TMEM114: variants seen among roughly 807,000 people sequenced by gnomAD.
TMEM114 encodes the protein claudin-26.
A neutral mutation model predicts 6.2 loss-of-function variants in TMEM114; 6 were observed. The ratio of observed to expected loss-of-function variants is 0.97; its 90% CI spans 0.53 to 1.91. The LOEUF (loss-of-function observed/expected upper bound fraction) is 1.91, where lower values mean the gene tolerates loss of function less well. TMEM114 is among the 40% of genes most tolerant of loss of function. The pLI, the probability that TMEM114 is intolerant of heterozygous loss-of-function variation, is 0.01. For missense variants in TMEM114, 218 were observed against 158.3 expected, an observed-to-expected ratio of 1.38 and a Z score of -2.02; for synonymous variants, 104 against 73.0, an observed-to-expected ratio of 1.42 and a Z score of -2.16.
At chr16:8,585,014 G>C (rs922217567) in intron 2 of TMEM114, among the ~76,000 whole-genome samples, 1 of 152,070 alleles carries the variant, frequency 6.6e-6, no homozygotes, top group Non-Finnish European at 1.5e-5. Flanking sequence ...AAGGAAAGAG[G>C]TTTAATGGAC....
chr16:8,556,123 C>T (rs1901002170), intron 2 of TMEM114, among the ~76,000 whole-genome samples: 1 of 152,350 alleles, frequency 6.6e-6, no homozygotes, highest in Middle Eastern at 3.4e-3. Context: ...CTGCATCCAT[C>T]ACTCACCCAG....
chr16:8,564,252 A>G (rs62646487), intron 2 of TMEM114, among the ~76,000 whole-genome samples: 27 of 7,344 alleles, frequency 3.7e-3, no homozygotes, highest in East Asian at 0.012. Flanking sequence ...TGAGTGAGTG[A>G]GTGAATGAGT....
At chr16:8,545,185 C>G (rs369123855) in intron 2 of TMEM114, among the ~76,000 whole-genome samples, 10 of 152,308 alleles carry the variant, frequency 6.6e-5, no homozygotes, top group African/African-American at 1.9e-4. Flanking sequence ...CACCTGTAAT[C>G]CCAACACTTT....
chr16:8,576,320 C>T (rs1177688276), intron 2 of TMEM114, among the ~76,000 whole-genome samples: 2 of 152,222 alleles, frequency 1.3e-5, no homozygotes, highest in African/African-American at 4.8e-5. Context: ...TCAGACCCTC[C>T]AAAGACACCC....
At chr16:8,530,611 A>C in the TMEM114 span, among the ~76,000 whole-genome samples, 1 of 151,522 alleles carries the variant, frequency 6.6e-6, no homozygotes, top group Non-Finnish European at 1.5e-5. Flanking sequence ...GGAAGAAGGG[A>C]AGGTGGGATG....
At position 8,580,436 on chromosome 16, in the gene TMEM114, G is replaced by A. The variant is rs1210381521; in HGVS notation, c.302-8212C>T. 6.7e-5 allele frequency among the ~76,000 whole-genome samples: 10 copies of A among 150,170 alleles called. No homozygotes were observed. In the South Asian group the frequency reaches 2.1e-3, roughly 32 times the overall value. ...TGGGAGGCGGAGGCTGCAGTGAGGC[G>A]AGATCACACCACTGCACTCCATCCT... On this transcript the variant is annotated intron_variant, in intron 2 of 3. Transcript: ENST00000620492.
At position 8,590,025 on chromosome 16, in the gene TMEM114, G is replaced by A. The variant is rs1257550522; in HGVS notation, c.-187C>T. On this transcript the variant is annotated 5_prime_UTR_variant, in exon 1 of 4. Coordinates refer to ENST00000620492, the MANE Select transcript of TMEM114 (RefSeq NM_001146336.2). ...CTTAGACCCTGGCTCCTCACCTGCC[G>A]GCTCCGACCTGCACGCGCCCCCCGC... 2 of 381,242 alleles carry A rather than the reference G, an allele frequency of 5.2e-6. No individual in the cohort carries two copies. The highest frequency in any genetic ancestry group is 4.2e-5 in the African/African-American group (2 of 47,820). The allele number at this position is 381,242 out of a possible 1,614,324, so 23.6% of individuals were successfully genotyped here. A position where few individuals can be genotyped will look rare whatever the true frequency, so the allele number is the denominator to read the frequency against.
chr16:8,547,160 C>T (rs72776587), intron 2 of TMEM114, among the ~76,000 whole-genome samples: 4,787 of 152,044 alleles, frequency 0.031, 105 homozygotes, highest in Non-Finnish European at 0.051. Flanking sequence ...AAAGGGGGGT[C>T]GTCAAGGAAT....
downstream of TMEM114, among the ~76,000 whole-genome samples, chr16:8,566,406 C>T (rs917304371): frequency 1.3e-5 from 2 of 149,820 alleles, no homozygotes; most frequent in African/African-American, 2.5e-5. Flanking sequence ...TAGAACAGAA[C>T]AGGTCAGAAT....
intron 2 of TMEM114, 121 bp from the exon 3 acceptor site, chr16:8,572,345 C>A (rs1216451822): frequency 9.6e-7 from 1 of 1,038,914 alleles, no homozygotes; most frequent in Admixed American, 2.1e-5. Context: ...ACTGCCCCTA[C>A]GACGATTACT....
chr16:8,576,585 T>A (rs1385548391), intron 2 of TMEM114, among the ~76,000 whole-genome samples: 1 of 152,088 alleles, frequency 6.6e-6, no homozygotes, highest in Non-Finnish European at 1.5e-5. Context: ...ACCTGGAAAA[T>A]TTCTTCTTTC....
downstream of TMEM114, among the ~76,000 whole-genome samples, chr16:8,566,900 T>TTC (rs1555464276): frequency 1.5e-5 from 2 of 131,646 alleles, no homozygotes; most frequent in African/African-American, 7.1e-5. Context: ...CACCCTGGTT[T>TTC]TTTTTTTTTT....
At chr16:8,547,069 C>T (rs765737277) in intron 2 of TMEM114, among the ~76,000 whole-genome samples, 6 of 152,194 alleles carry the variant, frequency 3.9e-5, no homozygotes, top group Non-Finnish European at 8.8e-5. Context: ...ATGGTTGCTG[C>T]AGGTAAGTGT....
chr16:8,562,526 T>TGAGTGAGTGAGTG (rs1465142445), intron 2 of TMEM114, among the ~76,000 whole-genome samples: 1,901 of 127,176 alleles, frequency 0.015, 38 homozygotes, highest in South Asian at 0.027. Flanking sequence ...ATGAGTGAGT[T>TGAGTGAGTGAGTG]AATGAGTGAG....
At chr16:8,535,856 C>A (rs181117670), downstream of TMEM114, among the ~76,000 whole-genome samples, 64 of 152,266 alleles carry the variant, frequency 4.2e-4, no homozygotes, top group African/African-American at 1.5e-3. Context: ...TGTTTTAGCC[C>A]CGGCTCTTTG....
At chr16:8,533,697 G>A (rs116494305), downstream of TMEM114, among the ~76,000 whole-genome samples, 210 of 152,320 alleles carry the variant, frequency 1.4e-3, 1 homozygote, top group African/African-American at 5.0e-3. Context: ...CTATTCAACT[G>A]AGTGTCCCAT....
intron 2 of TMEM114, among the ~76,000 whole-genome samples, chr16:8,549,527 A>G (rs995746883): frequency 3.3e-5 from 5 of 151,058 alleles, no homozygotes; most frequent in Admixed American, 3.3e-4. Context: ...AGAATGCATG[A>G]TCTCAAAGTG....
chr16:8,534,794 G>C (rs941080136), downstream of TMEM114, among the ~76,000 whole-genome samples: 2 of 152,200 alleles, frequency 1.3e-5, no homozygotes, highest in African/African-American at 4.8e-5. Flanking sequence ...CATCGCTATG[G>C]TTGTACTCCT....
chr16:8,535,859 G>C (rs1900341291), downstream of TMEM114, among the ~76,000 whole-genome samples: 1 of 152,170 alleles, frequency 6.6e-6, no homozygotes, highest in Non-Finnish European at 1.5e-5. Context: ...TTTAGCCCCG[G>C]CTCTTTGGGT....
Sources: allele counts gnomAD v4.1 joint callset (sites outside exome capture counted in the v4.1 genomes callset), GRCh38; gene constraint gnomAD v4.1.1; transcripts MANE v1.5; gene names NCBI Gene and HGNC (gene_info 2026-07-23, HGNC 2026-07-21).